PTPN1: variants seen among roughly 807,000 people sequenced by gnomAD.
PTPN1 encodes tyrosine-protein phosphatase non-receptor type 1.
PTPN1 carries 12 observed loss-of-function variants against 59.9 expected under a neutral mutation model. That is an observed-to-expected ratio of 0.20 (90% CI 0.13 to 0.32). PTPN1 has a LOEUF of 0.32. PTPN1 is among the 10% of genes least tolerant of loss of function. The pLI is 1.00. For missense variants in PTPN1, 356 were observed against 549.2 expected (o/e 0.65, Z 3.52); for synonymous variants, 178 against 203.6 (o/e 0.87, Z 1.07).
At chr20:50,558,009 G>GT (rs1021475097) in intron 1 of PTPN1, 1 of 152,134 alleles carries the variant, frequency 6.6e-6, no homozygotes, top group African/African-American at 2.4e-5. Flanking sequence ...TAATTTTTGT[G>GT]TTTTTTGTAG....
chr20:50,551,989 C>T (rs554162604), intron 1 of PTPN1, among the ~76,000 whole-genome samples: 1 of 152,246 alleles, frequency 6.6e-6, no homozygotes, highest in South Asian at 2.1e-4. Flanking sequence ...CTTTGGTTAG[C>T]ATAATAAAAG....
chr20:50,566,378 T>C (rs979266091), intron 3 of PTPN1, among the ~76,000 whole-genome samples: 3 of 152,188 alleles, frequency 2.0e-5, no homozygotes, highest in Non-Finnish European at 4.4e-5. Context: ...CAAATGACCA[T>C]GTATCCTTGT....
intron 1 of PTPN1, among the ~76,000 whole-genome samples, chr20:50,551,497 C>T (rs962993261): frequency 2.6e-5 from 4 of 152,188 alleles, no homozygotes; most frequent in Non-Finnish European, 4.4e-5. Context: ...AACCATTTAC[C>T]TGTAAGCTTT....
At chr20:50,553,055 C>G (rs2082710339) in intron 1 of PTPN1, among the ~76,000 whole-genome samples, 2 of 152,142 alleles carry the variant, frequency 1.3e-5, no homozygotes, top group South Asian at 4.1e-4. Context: ...CTCTCTGTCT[C>G]TCTCTGTCTC....
intron 1 of PTPN1, among the ~76,000 whole-genome samples, chr20:50,537,372 G>C (rs2082628671): frequency 6.6e-6 from 1 of 151,962 alleles, no homozygotes; most frequent in South Asian, 2.1e-4. Context: ...AAAACAGAGA[G>C]ATCCCATGTG....
At chr20:50,546,605 C>T (rs2082677124) in intron 1 of PTPN1, among the ~76,000 whole-genome samples, 1 of 152,212 alleles carries the variant, frequency 6.6e-6, no homozygotes, top group Non-Finnish European at 1.5e-5. Flanking sequence ...TCTTGTGCCA[C>T]TCTTGGAATA....
rs2082855656 is a variant in PTPN1, at chr20:50,579,684, C to G, written c.865-19C>G. 1 of 1,601,866 alleles carries G rather than the reference C, an allele frequency of 6.2e-7. No individual in the cohort carries two copies. The highest frequency in any genetic ancestry group is 1.3e-5 in the African/African-American group (1 of 74,586). ...CCGAAGTGAACACTAATAGGACTTC[C>G]TCTTGCTGCTCTTTCAAGGATCAGT... On this transcript the variant is annotated intron_variant, in intron 7 of 9. Transcript: ENST00000371621.
intron 1 of PTPN1, among the ~76,000 whole-genome samples, chr20:50,515,201 C>T (rs1489485770): frequency 6.6e-6 from 1 of 152,214 alleles, no homozygotes; most frequent in African/African-American, 2.4e-5. Context: ...GTCCTTCCCT[C>T]CTATGTGGCT....
At chr20:50,580,087 C>G (rs6020612) in intron 8 of PTPN1, among the ~76,000 whole-genome samples, 161 bp downstream of exon 8, 4,146 of 152,336 alleles carry the variant, frequency 0.027, 70 homozygotes, top group African/African-American at 0.055. Context: ...CACTCCACTC[C>G]TGGCTGCTGG....
At chr20:50,575,186 C>T (rs1253261961) in intron 5 of PTPN1, among the ~76,000 whole-genome samples, 2 of 152,206 alleles carry the variant, frequency 1.3e-5, no homozygotes, top group Admixed American at 6.5e-5. Context: ...GCAGCACTGC[C>T]GCTGAACGCG....
At chr20:50,536,401 A>T (rs2082624342) in intron 1 of PTPN1, among the ~76,000 whole-genome samples, 1 of 152,228 alleles carries the variant, frequency 6.6e-6, no homozygotes, top group South Asian at 2.1e-4. Flanking sequence ...GACCAACCTG[A>T]AACAGTCACA....
chr20:50,518,823 A>G (rs955126559), intron 1 of PTPN1, among the ~76,000 whole-genome samples: 2 of 152,152 alleles, frequency 1.3e-5, no homozygotes, highest in Non-Finnish European at 2.9e-5. Context: ...AAGTTACATT[A>G]AGCTACATCA....
chr20:50,511,370 C>T (rs1272401133), intron 1 of PTPN1, among the ~76,000 whole-genome samples: 2 of 152,158 alleles, frequency 1.3e-5, no homozygotes, highest in Non-Finnish European at 1.5e-5. Flanking sequence ...AAGGAGGAGA[C>T]ATTTGCTTTG....
Position 50,578,453 on chromosome 20 carries a change from T to C in PTPN1, c.526T>C (p.Tyr176His). ...QETREILHFH[Y>H]TTWPDFGVPE... ...AACTCGAGAGATCTTACATTTCCAC[T>C]ATACCACATGGCCTGACTTTGGAGT... The change falls in exon 6 of 10, where the codon TAT (tyrosine) becomes CAT (histidine). Residue 176 changes from tyrosine (Y) to histidine (H), a missense_variant. By Grantham distance (83) the Tyr-to-His change is moderately conservative. Around this residue, in one of 3 missense-constraint regions of PTPN1, gnomAD observed 194 missense variants for 344.2 expected, o/e 0.56. Coordinates refer to ENST00000371621, the MANE Select transcript of PTPN1 (RefSeq NM_002827.4). The C allele has an allele frequency of 6.2e-7, 1 of 1,614,194 alleles. No individual in the cohort carries two copies. Among genetic ancestry groups the C allele is most frequent in the Non-Finnish European group, 8.5e-7 (1 of 1,179,994 alleles).
At chr20:50,554,849 AG>A (rs2082719404) in intron 1 of PTPN1, among the ~76,000 whole-genome samples, 1 of 152,220 alleles carries the variant, frequency 6.6e-6, no homozygotes, top group South Asian at 2.1e-4. Flanking sequence ...ATGCAAAAAA[AG>A]AAAAACATTC....
At chr20:50,569,549 T>C (rs1372968842) in intron 4 of PTPN1, among the ~76,000 whole-genome samples, 1 of 151,928 alleles carries the variant, frequency 6.6e-6, no homozygotes, top group East Asian at 1.9e-4. Flanking sequence ...CTGTGTAGAC[T>C]GTCCTGTGTA....
chr20:50,565,374 G>C (rs2082774134), intron 3 of PTPN1, among the ~76,000 whole-genome samples: 1 of 152,200 alleles, frequency 6.6e-6, no homozygotes, highest in East Asian at 1.9e-4. Context: ...GCTGGAGGAG[G>C]GTCTGTACCT....
At chr20:50,556,612 T>C (rs1323126909) in intron 1 of PTPN1, among the ~76,000 whole-genome samples, 1 of 152,206 alleles carries the variant, frequency 6.6e-6, no homozygotes, top group African/African-American at 2.4e-5. Flanking sequence ...AAATTGAATA[T>C]GCACATGACT....
intron 1 of PTPN1, among the ~76,000 whole-genome samples, chr20:50,528,462 C>T (rs920387884): frequency 1.3e-5 from 2 of 152,044 alleles, no homozygotes; most frequent in African/African-American, 2.4e-5. Flanking sequence ...ACCTGTAATC[C>T]GAGCACTTTG....
Sources: gnomAD v4.1 joint callset for allele counts (sites outside exome capture counted in the v4.1 genomes callset) on GRCh38, gnomAD v4.1.1 for gene constraint, gnomAD v4.1.1 regional missense constraint, MANE v1.5 for transcripts, NCBI Gene and HGNC (gene_info 2026-07-23, HGNC 2026-07-21) for gene names.